Variants in LUZP2 observed in about 807,000 individuals in gnomAD.
The protein encoded by LUZP2 is leucine zipper protein 2.
Under a neutral mutation model 51.6 loss-of-function variants are expected in LUZP2, and 52 were observed. The ratio of observed to expected loss-of-function variants is 1.01; its 90% CI spans 0.81 to 1.27. LUZP2 has a LOEUF of 1.27. LUZP2 is among the 50% of genes most tolerant of loss of function. The pLI is 0.00. For synonymous variants in LUZP2, 154 were observed against 137.3 expected, an observed-to-expected ratio of 1.12 and a Z score of -0.85; for missense variants, 436 against 395.4, an observed-to-expected ratio of 1.10 and a Z score of -0.87.
chr11:24,798,326 T>C (rs1352861050), intron 5 of LUZP2, among the ~76,000 whole-genome samples: 1 of 151,910 alleles, frequency 6.6e-6, no homozygotes, highest in East Asian at 1.9e-4. Context: ...CATTCCCAAG[T>C]AGTTGGGACT....
At chr11:24,601,393 T>G (rs1044306653) in intron 1 of LUZP2, among the ~76,000 whole-genome samples, 20 of 151,898 alleles carry the variant, frequency 1.3e-4, no homozygotes, top group African/African-American at 4.8e-4. Flanking sequence ...ATTGGTGGAG[T>G]TAACAATTTT....
At chr11:24,779,834 C>CAG (rs201209468) in intron 5 of LUZP2, among the ~76,000 whole-genome samples, 169 of 152,178 alleles carry the variant, frequency 1.1e-3, no homozygotes, top group African/African-American at 3.9e-3. Flanking sequence ...AGATTTGACA[C>CAG]ACACACATAG....
At chr11:24,986,518 G>A (rs1230902131) in intron 9 of LUZP2, among the ~76,000 whole-genome samples, 1 of 143,630 alleles carries the variant, frequency 7.0e-6, no homozygotes, top group Non-Finnish European at 1.5e-5. Context: ...AACCCACAGA[G>A]CTAGTGAATA....
intron 1 of LUZP2, among the ~76,000 whole-genome samples, chr11:24,718,552 A>C (rs2067012370): frequency 6.6e-6 from 1 of 152,146 alleles, no homozygotes; most frequent in Admixed American, 6.5e-5. Context: ...TGGAGACAAA[A>C]GGTTTGGGGA....
chr11:24,658,522 C>T (rs529410158), intron 1 of LUZP2, among the ~76,000 whole-genome samples: 6 of 152,124 alleles, frequency 3.9e-5, no homozygotes, highest in Admixed American at 3.9e-4. Flanking sequence ...TGGGCAAGGA[C>T]TTCATGTCTA....
At chr11:25,003,435 T>C (rs1310974414) in intron 9 of LUZP2, among the ~76,000 whole-genome samples, 1 of 152,130 alleles carries the variant, frequency 6.6e-6, no homozygotes, top group Non-Finnish European at 1.5e-5. Context: ...CTTCCTCTGG[T>C]ATTTGAGAGA....
chr11:24,572,246 AT>A (rs1227586889), intron 1 of LUZP2, among the ~76,000 whole-genome samples: 4 of 151,944 alleles, frequency 2.6e-5, no homozygotes, highest in African/African-American at 9.7e-5. Context: ...CACTGTAAAA[AT>A]TTATTTTATC....
At position 24,497,273 on chromosome 11, in the gene LUZP2, G is replaced by T; in HGVS notation, c.30G>T (p.Leu10=). The change falls in exon 1 of 12, where the codon CTG becomes CTT. Residue 10 remains leucine (L), a synonymous_variant. Coordinates refer to ENST00000336930, the MANE Select transcript of LUZP2 (RefSeq NM_001009909.4). MKFSPAHYL[L]PLLPALVLST... is the part of the protein sequence containing the mutation. ...AATTCAGCCCAGCGCACTACCTGCT[G>T]CCTCTCCTGCCTGCGCTGGTCCTCA... is the stretch of plus-strand genomic sequence containing the variant. 1.3e-6 allele frequency: 2 copies of T among 1,566,984 alleles called. No individual in the cohort carries two copies. The highest frequency in any genetic ancestry group is 1.7e-6 in the Non-Finnish European group (2 of 1,155,080).
chr11:24,866,584 T>G (rs1590661082), intron 5 of LUZP2, among the ~76,000 whole-genome samples: 1 of 151,942 alleles, frequency 6.6e-6, no homozygotes, highest in South Asian at 2.1e-4. Context: ...TAGAAAAAGG[T>G]GATCAAATAT....
intron 1 of LUZP2, among the ~76,000 whole-genome samples, chr11:24,653,666 C>G (rs1855708956): frequency 6.6e-6 from 1 of 152,050 alleles, no homozygotes; most frequent in African/African-American, 2.4e-5. Context: ...TGGGGCATTC[C>G]TACTGCACCT....
At chr11:24,670,116 A>G (rs1034419932) in intron 1 of LUZP2, among the ~76,000 whole-genome samples, 5 of 152,216 alleles carry the variant, frequency 3.3e-5, no homozygotes, top group African/African-American at 1.2e-4. Flanking sequence ...AATGCTCCTT[A>G]GATAAGCTGC....
chr11:25,035,237 T>A (rs1268777809), intron 9 of LUZP2, among the ~76,000 whole-genome samples: 2 of 152,002 alleles, frequency 1.3e-5, no homozygotes, highest in Non-Finnish European at 2.9e-5. Context: ...AAAGAGAAGA[T>A]GTCAAACTAT....
At chr11:24,750,867 A>G (rs976669154) in intron 4 of LUZP2, among the ~76,000 whole-genome samples, 1 of 152,168 alleles carries the variant, frequency 6.6e-6, no homozygotes, top group Non-Finnish European at 1.5e-5. Flanking sequence ...AATCTTGTGC[A>G]TGATATATAT....
intron 10 of LUZP2, among the ~76,000 whole-genome samples, chr11:25,069,054 A>G (rs1859079432): frequency 6.6e-6 from 1 of 151,962 alleles, no homozygotes; most frequent in South Asian, 2.1e-4. Flanking sequence ...TGTACCAACC[A>G]TTTACTTAGG....
At chr11:24,790,048 C>T (rs1052467660) in intron 5 of LUZP2, among the ~76,000 whole-genome samples, 9 of 152,106 alleles carry the variant, frequency 5.9e-5, no homozygotes, top group African/African-American at 2.2e-4. Flanking sequence ...AATTTATACT[C>T]CACTCGTATG....
intron 1 of LUZP2, among the ~76,000 whole-genome samples, chr11:24,630,387 G>A (rs984184179): frequency 6.6e-6 from 1 of 151,798 alleles, no homozygotes; most frequent in Non-Finnish European, 1.5e-5. Flanking sequence ...ATAAGGGTCC[G>A]GTTTTATTCT....
intron 1 of LUZP2, among the ~76,000 whole-genome samples, chr11:24,522,315 T>C (rs530256163): frequency 1.3e-5 from 2 of 151,978 alleles, no homozygotes; most frequent in East Asian, 3.9e-4. Flanking sequence ...TTTTTAAGTT[T>C]CTGTCTTAGA....
In LUZP2 at chr11:25,077,197, T is replaced by C. The variant is rs1015144348; in HGVS notation, c.859-132T>C. Reference sequence around the variant, plus strand: ...TGTGGTGATTATTTTTGTCCCTAGCTTTTGCCCTTTCAGTATGGATCAAAG... The same window carrying C: ...TGTGGTGATTATTTTTGTCCCTAGCCTTTGCCCTTTCAGTATGGATCAAAG... On this transcript the variant is annotated intron_variant, in intron 10 of 11. Transcript: ENST00000336930. 4.2e-6 allele frequency: 3 copies of C among 708,862 alleles called. No homozygotes were observed. The African/African-American group carries it at 5.3e-5, about 12-fold the overall frequency. 43.9% of individuals were successfully genotyped at this position (708,862 alleles called of 1,614,324 possible). A position where few individuals can be genotyped will look rare whatever the true frequency, so the allele number is the denominator to read the frequency against.
At chr11:24,914,594 C>A in intron 7 of LUZP2, 56 bp downstream of exon 7, 1 of 1,139,742 alleles carries the variant, frequency 8.8e-7, no homozygotes, top group Non-Finnish European at 1.3e-6. Flanking sequence ...CCTAAAATAT[C>A]AAAAACATTA....
Sources: gnomAD v4.1 joint callset for allele counts (sites outside exome capture counted in the v4.1 genomes callset) on GRCh38, gnomAD v4.1.1 for gene constraint, MANE v1.5 for transcripts, NCBI Gene and HGNC (gene_info 2026-07-23, HGNC 2026-07-21) for gene names.